Variants in MCTP2 observed in about 807,000 individuals in gnomAD.
MCTP2 encodes the protein multiple C2 and transmembrane domain-containing protein 2.
Under a neutral mutation model 111.6 loss-of-function variants are expected in MCTP2, and 132 were observed. The ratio of observed to expected loss-of-function variants is 1.18; its 90% CI spans 1.03 to 1.37. MCTP2 has a LOEUF of 1.37. MCTP2 is among the 40% of genes most tolerant of loss of function. The probability of loss-of-function intolerance (pLI) is 0.00; values close to 1 mark genes in which losing one functional copy is unlikely to be tolerated. For missense variants in MCTP2, 1,183 were observed against 1,067.9 expected (o/e 1.11, Z -1.50); for synonymous variants, 395 against 387.7 (o/e 1.02, Z -0.22).
At chr15:94,348,685 T>C (rs1415451121) in intron 8 of MCTP2, among the ~76,000 whole-genome samples, 1 of 151,282 alleles carries the variant, frequency 6.6e-6, no homozygotes, top group Non-Finnish European at 1.5e-5. Context: ...GTCTTATTTC[T>C]GTGTTGGCCC....
rs1464597700 is a variant in MCTP2 at position 94,399,908 on chromosome 15, A to T, written c.1891-13A>T. On this transcript the variant is annotated splice_polypyrimidine_tract_variant and intron_variant, in intron 15 of 22. Coordinates refer to ENST00000357742, the MANE Select transcript of MCTP2 (RefSeq NM_001385001.1). ...TACATGCTGCCCTTTTTTAACAAGG[A>T]TGTCTTTTCTAGGTGAAAGCAAGTA... 1.2e-6 allele frequency: 2 copies of T among 1,612,596 alleles called. No individual in the cohort carries two copies. The highest frequency in any genetic ancestry group is 1.7e-6 in the Non-Finnish European group (2 of 1,178,742).
intron 14 of MCTP2, among the ~76,000 whole-genome samples, chr15:94,394,732 T>C (rs2152468328): frequency 6.6e-6 from 1 of 152,024 alleles, no homozygotes; most frequent in East Asian, 1.9e-4. Flanking sequence ...GCCACTGCAC[T>C]CCAGCCTGGG....
At chr15:94,311,917 G>A (rs998376907) in intron 2 of MCTP2, among the ~76,000 whole-genome samples, 7 of 152,114 alleles carry the variant, frequency 4.6e-5, no homozygotes, top group Admixed American at 1.3e-4. Context: ...GGGGTGATAC[G>A]GTTTAATCAT....
chr15:94,352,421 G>A (rs2078354685), intron 8 of MCTP2, among the ~76,000 whole-genome samples: 1 of 152,214 alleles, frequency 6.6e-6, no homozygotes, highest in Non-Finnish European at 1.5e-5. Flanking sequence ...ATTTGGTGAG[G>A]TGGGGGCTGA....
chr15:94,388,102 A>G (rs542511222), intron 14 of MCTP2, among the ~76,000 whole-genome samples: 16 of 152,330 alleles, frequency 1.1e-4, no homozygotes, highest in African/African-American at 3.6e-4. Context: ...TGGCATTTTC[A>G]TCGTGGGGGA....
At chr15:94,402,543 G>C (rs1167998236) in intron 17 of MCTP2, 2 of 1,551,654 alleles carry the variant, frequency 1.3e-6, no homozygotes, top group Admixed American at 3.9e-5. Context: ...TGGTGACATT[G>C]GCCCATCCTT....
intron 17 of MCTP2, among the ~76,000 whole-genome samples, chr15:94,406,394 GC>G (rs2081897393): frequency 6.6e-6 from 1 of 152,190 alleles, no homozygotes; most frequent in East Asian, 1.9e-4. Flanking sequence ...TCTCACTGAT[GC>G]CCAGGATGCA....
intron 1 of MCTP2, among the ~76,000 whole-genome samples, chr15:94,268,526 T>C (rs1039200579): frequency 1.3e-5 from 2 of 152,090 alleles, no homozygotes; most frequent in African/African-American, 4.8e-5. Flanking sequence ...CTTTATTTTG[T>C]TGTCCTTCTC....
intron 1 of MCTP2, among the ~76,000 whole-genome samples, chr15:94,236,944 G>T (rs1213932342): frequency 6.6e-6 from 1 of 152,174 alleles, no homozygotes; most frequent in African/African-American, 2.4e-5. Flanking sequence ...ACCAGGTGGA[G>T]GTGGGTGATG....
intron 20 of MCTP2, among the ~76,000 whole-genome samples, chr15:94,466,116 T>C (rs2032976): frequency 0.26 from 39,915 of 152,094 alleles, 5,611 homozygotes; most frequent in Middle Eastern, 0.38. Flanking sequence ...ATTTTTCTTG[T>C]TTTTCATTTT....
chr15:94,461,699 G>A (rs920590896), intron 20 of MCTP2, among the ~76,000 whole-genome samples: 3 of 152,118 alleles, frequency 2.0e-5, no homozygotes, highest in Non-Finnish European at 4.4e-5. Flanking sequence ...ACCTTCATAA[G>A]AAGTAGAACT....
intron 1 of MCTP2, among the ~76,000 whole-genome samples, chr15:94,258,198 C>T (rs1489589838): frequency 6.6e-6 from 1 of 152,010 alleles, no homozygotes; most frequent in Non-Finnish European, 1.5e-5. Context: ...TTTATGTGCT[C>T]AAATCCCAGG....
At chr15:94,357,138 A>C (rs17661962) in intron 9 of MCTP2, among the ~76,000 whole-genome samples, 26,329 of 152,188 alleles carry the variant, frequency 0.17, 2,779 homozygotes, top group East Asian at 0.31. Context: ...CAAGTTGGAA[A>C]ATGATTTAGG....
At chr15:94,234,173 G>C (rs1252586504) in intron 1 of MCTP2, among the ~76,000 whole-genome samples, 1 of 152,174 alleles carries the variant, frequency 6.6e-6, no homozygotes, top group African/African-American at 2.4e-5. Context: ...TGGGGAACCA[G>C]GGTGGGTGAT....
chr15:94,349,004 A>T (rs1358716065), intron 8 of MCTP2, among the ~76,000 whole-genome samples: 2 of 151,928 alleles, frequency 1.3e-5, no homozygotes, highest in African/African-American at 4.8e-5. Flanking sequence ...CTATGATCTA[A>T]TTTAGCTCAT....
chr15:94,258,624 A>G (rs909599386), intron 1 of MCTP2, among the ~76,000 whole-genome samples: 1 of 152,228 alleles, frequency 6.6e-6, no homozygotes, highest in Non-Finnish European at 1.5e-5. Flanking sequence ...AACCCTATTT[A>G]AATCACGCTT....
intron 1 of MCTP2, among the ~76,000 whole-genome samples, chr15:94,267,957 C>T (rs545159419): frequency 2.1e-5 from 3 of 142,252 alleles, no homozygotes; most frequent in African/African-American, 7.8e-5. Flanking sequence ...GCTCTGCCTC[C>T]TGGGTTCACG....
chr15:94,244,670 C>T (rs866977997), intron 1 of MCTP2, among the ~76,000 whole-genome samples: 1 of 131,414 alleles, frequency 7.6e-6, no homozygotes, highest in East Asian at 2.3e-4. Context: ...ACATACATAT[C>T]CACCTATGTT....
chr15:94,299,244 C>T (rs1302728726), intron 2 of MCTP2, among the ~76,000 whole-genome samples: 3 of 151,612 alleles, frequency 2.0e-5, no homozygotes, highest in African/African-American at 7.3e-5. Context: ...CATTAAAAGC[C>T]ATATTGGATG....
Sources: gnomAD v4.1 joint callset for allele counts (sites outside exome capture counted in the v4.1 genomes callset) on GRCh38, gnomAD v4.1.1 for gene constraint, MANE v1.5 for transcripts, NCBI Gene and HGNC (gene_info 2026-07-23, HGNC 2026-07-21) for gene names.